The following PCDHGB1 variants were observed in gnomAD, a reference collection of about 807,000 sequenced individuals.
PCDHGB1 encodes protocadherin gamma subfamily B, 1.
PCDHGB1 carries 34 observed loss-of-function variants against 56.6 expected under a neutral mutation model. That is an observed-to-expected ratio of 0.60 (90% CI 0.46 to 0.80). The LOEUF (loss-of-function observed/expected upper bound fraction) is 0.80, where lower values mean the gene tolerates loss of function less well. Among genes scored for constraint, PCDHGB1 ranks in the 30% least tolerant of loss-of-function variants. PCDHGB1 has a pLI of 0.00. For missense variants in PCDHGB1, 1,278 were observed against 1,204.6 expected (o/e 1.06, Z -0.90); for synonymous variants, 561 against 505.9 (o/e 1.11, Z -1.46).
rs2099884060 is a variant in PCDHGB1 at position 141,512,057 on chromosome 5, A to T, written c.*884A>T. 1 of 152,768 alleles carries T rather than the reference A, an allele frequency of 6.5e-6. No individual in the cohort carries two copies. Among genetic ancestry groups the T allele is most frequent in the South Asian group, 2.1e-4 (1 of 4,832 alleles). 9.5% of individuals were successfully genotyped at this position (152,768 alleles called of 1,614,324 possible). ...GGCTCTGTATGTCCTCAGGGGACTG[A>T]CAACATCCTCCAGATTCCAGCCATA... is the stretch of plus-strand genomic sequence containing the variant. On this transcript the variant is annotated 3_prime_UTR_variant, in exon 4 of 4. Coordinates refer to ENST00000523390, the MANE Select transcript of PCDHGB1 (RefSeq NM_018922.3).
rs2099749948 is a variant in PCDHGB1 at position 141,493,762 on chromosome 5, C to T, written c.2410-1045C>T. Among the ~76,000 whole-genome samples the T allele has an allele frequency of 1.3e-5, 2 of 152,130 alleles. No homozygotes were observed. Among genetic ancestry groups the T allele is most frequent in the South Asian group, 4.1e-4 (2 of 4,830 alleles). Reference sequence around the variant, plus strand: ...TGCCACCTGTGAGCCTTGAGTGAGCCACTGGCAGTTCCGGAGCTTCCTTCT... The same window carrying T: ...TGCCACCTGTGAGCCTTGAGTGAGCTACTGGCAGTTCCGGAGCTTCCTTCT... On this transcript the variant is annotated intron_variant, in intron 1 of 3. Transcript: ENST00000523390. The surrounding 1 kb of genome is among the most constrained non-coding windows in gnomAD (Gnocchi z 4.3).
At chr5:141,496,602 C>A (rs981108050) in intron 2 of PCDHGB1, among the ~76,000 whole-genome samples, 5 of 152,150 alleles carry the variant, frequency 3.3e-5, no homozygotes, top group Admixed American at 1.3e-4. Flanking sequence ...TCTTAGAAGG[C>A]CCCTAAAAAG....
At chr5:141,414,059 A>C (rs1008514691) in intron 1 of PCDHGB1, 1 of 1,609,440 alleles carries the variant, frequency 6.2e-7, no homozygotes, top group East Asian at 2.2e-5. Flanking sequence ...CAATTGTTGA[A>C]GTTCCAACTA....
chr5:141,400,783 T>G (rs2094075214), intron 1 of PCDHGB1: 1 of 566,968 alleles, frequency 1.8e-6, no homozygotes, highest in African/African-American at 1.9e-5. Flanking sequence ...TGCGTTTTTT[T>G]GTCCTCTTTC....
intron 1 of PCDHGB1, chr5:141,374,164 G>A: frequency 6.2e-7 from 1 of 1,612,952 alleles, no homozygotes; most frequent in East Asian, 2.2e-5. Context: ...GGGGGGCCGC[G>A]GCAGCGCAGA....
At chr5:141,366,096 C>T (rs763995838) in intron 1 of PCDHGB1, 4 of 1,614,226 alleles carry the variant, frequency 2.5e-6, no homozygotes, top group Non-Finnish European at 3.4e-6. Context: ...TACCTGGTGA[C>T]CAAGGTGGTA....
intron 1 of PCDHGB1, chr5:141,384,204 A>T: frequency 4.3e-6 from 7 of 1,613,886 alleles, no homozygotes; most frequent in Non-Finnish European, 5.9e-6. Flanking sequence ...TGTCCAGGGA[A>T]ACTCACATAT....
intron 1 of PCDHGB1, chr5:141,423,134 G>A: frequency 6.2e-7 from 1 of 1,613,680 alleles, no homozygotes; most frequent in South Asian, 1.1e-5. Flanking sequence ...CTGCTGGACA[G>A]AGACGCGCTC....
intron 1 of PCDHGB1, chr5:141,415,060 G>C (rs1428839232): frequency 1.2e-6 from 2 of 1,613,426 alleles, no homozygotes; most frequent in Admixed American, 1.7e-5. Flanking sequence ...GCACACGGGC[G>C]AGGTGCGCAC....
intron 1 of PCDHGB1, chr5:141,374,110 G>T (rs1402267775): frequency 7.0e-6 from 11 of 1,576,896 alleles, no homozygotes; most frequent in Non-Finnish European, 9.5e-6. Context: ...GGCATCCGCA[G>T]CGCAGCGAGC....
chr5:141,400,091 C>T, intron 1 of PCDHGB1: 4 of 1,614,072 alleles, frequency 2.5e-6, no homozygotes, highest in South Asian at 1.1e-5. Context: ...GCCACCGCCA[C>T]GCTGCACTTG....
At chr5:141,399,092 G>T (rs573118488) in intron 1 of PCDHGB1, 2 of 1,613,810 alleles carry the variant, frequency 1.2e-6, no homozygotes, top group Non-Finnish European at 1.7e-6. Context: ...GATGGTGGTG[G>T]ACTGGTTGCA....
intron 1 of PCDHGB1, chr5:141,357,022 C>G (rs1318663239): frequency 6.2e-7 from 1 of 1,614,150 alleles, no homozygotes; most frequent in South Asian, 1.1e-5. Flanking sequence ...GTCCTACAGC[C>G]TACTCAAGTC....
chr5:141,352,798 T>C (rs1315643760), intron 1 of PCDHGB1, 129 bp downstream of exon 1: 5 of 928,716 alleles, frequency 5.4e-6, no homozygotes, highest in South Asian at 5.1e-5. Flanking sequence ...GAGACCAGCA[T>C]AGCCAAGATG....
At chr5:141,504,634 AG>A (rs2099839600) in intron 2 of PCDHGB1, among the ~76,000 whole-genome samples, 1 of 115,756 alleles carries the variant, frequency 8.6e-6, no homozygotes, top group Non-Finnish European at 1.7e-5. Context: ...ACCTTGGAAA[AG>A]GTTTGATGAT....
chr5:141,359,539 T>A (rs1181475445), intron 1 of PCDHGB1, among the ~76,000 whole-genome samples: 1 of 150,972 alleles, frequency 6.6e-6, no homozygotes, highest in African/African-American at 2.4e-5. Flanking sequence ...CTATAAGAAA[T>A]AAATAGGAAA....
intron 1 of PCDHGB1, chr5:141,395,503 G>A (rs1428846111): frequency 2.2e-6 from 1 of 457,378 alleles, no homozygotes; most frequent in Non-Finnish European, 3.8e-6. Flanking sequence ...ATTCACTTAA[G>A]AAGTAGCTAC....
intron 1 of PCDHGB1, among the ~76,000 whole-genome samples, chr5:141,436,557 A>G (rs1224841336): frequency 6.6e-6 from 1 of 152,218 alleles, no homozygotes; most frequent in Non-Finnish European, 1.5e-5. Flanking sequence ...GAGCTTCAGC[A>G]AAGTAGGAAT....
In PCDHGB1 at chr5:141,476,908, A is replaced by G. The variant is rs754076231; in HGVS notation, c.2410-17899A>G. 6.2e-7 allele frequency: 1 copy of G among 1,614,050 alleles called. No individual in the cohort carries two copies. The highest frequency in any genetic ancestry group is 8.5e-7 in the Non-Finnish European group (1 of 1,180,038). On this transcript the variant is annotated intron_variant, in intron 1 of 3. Coordinates refer to ENST00000523390, the MANE Select transcript of PCDHGB1 (RefSeq NM_018922.3). This position sits in a 1 kb window ranked among gnomAD's most constrained non-coding sequence, Gnocchi z 7.6. ...ATGCACCCTCCGGCACGCGCGTGGT[A>G]CAAGTCCTTGCAACGGATCTGGATG...
Sources: allele counts gnomAD v4.1 joint callset (sites outside exome capture counted in the v4.1 genomes callset), GRCh38; gene constraint gnomAD v4.1.1; non-coding constraint Gnocchi (gnomAD v3.1); transcripts MANE v1.5; gene names NCBI Gene and HGNC (gene_info 2026-07-23, HGNC 2026-07-21).